FAM53A: variants seen among roughly 807,000 people sequenced by gnomAD.
FAM53A encodes the protein family with sequence similarity 53 member A.
A neutral mutation model predicts 26.6 loss-of-function variants in FAM53A; 28 were observed. That is an observed-to-expected ratio of 1.05 (90% CI 0.78 to 1.45). The LOEUF is 1.45. FAM53A is among the 40% of genes most tolerant of loss of function. FAM53A has a pLI of 0.00. For synonymous variants in FAM53A, 290 were observed against 253.1 expected (o/e 1.15, Z -1.38); for missense variants, 650 against 575.8 (o/e 1.13, Z -1.32).
At position 1,640,789 on chromosome 4, in the gene FAM53A, A is replaced by C; in HGVS notation, c.*504T>G. On this transcript the variant is annotated 3_prime_UTR_variant, in exon 5 of 5. Coordinates refer to ENST00000308132, the MANE Select transcript of FAM53A (RefSeq NM_001174070.3). ...GCCGGTGGCAGCCATGGCCCCGACCAGCTCACAGGAAACCTACTCTGTGCC... is the reference window on the plus strand; with the variant it reads ...GCCGGTGGCAGCCATGGCCCCGACCCGCTCACAGGAAACCTACTCTGTGCC... 2.5e-6 allele frequency: 1 copy of C among 392,418 alleles called. No individual in the cohort carries two copies. The highest frequency in any genetic ancestry group is 8.1e-4 in the Middle Eastern group (1 of 1,240). The allele number at this position is 392,418 out of a possible 1,614,324, so 24.3% of individuals were successfully genotyped here. A position where few individuals can be genotyped will look rare whatever the true frequency, so the allele number is the denominator to read the frequency against.
the FAM53A span, among the ~76,000 whole-genome samples, chr4:1,598,565 A>C: frequency 6.6e-6 from 1 of 152,204 alleles, no homozygotes; most frequent in Non-Finnish European, 1.5e-5. Flanking sequence ...GACGATTTTT[A>C]AGCGTGAAGA....
At chr4:1,675,920 G>T (rs368472922) in intron 1 of FAM53A, among the ~76,000 whole-genome samples, 3 of 152,208 alleles carry the variant, frequency 2.0e-5, no homozygotes, top group African/African-American at 7.2e-5. Context: ...CCCCACCACA[G>T]GCAGTGCCTC....
intron 2 of FAM53A, 43 bp downstream of exon 2, chr4:1,668,624 C>A (rs1332001684): frequency 1.2e-6 from 2 of 1,609,976 alleles, no homozygotes; most frequent in African/African-American, 1.3e-5. Flanking sequence ...TGTGACAGCA[C>A]GGGGGAGGGG....
At chr4:1,601,306 T>G in the FAM53A span, among the ~76,000 whole-genome samples, 53 of 58,106 alleles carry the variant, frequency 9.1e-4, 14 homozygotes, top group African/African-American at 2.2e-3. Flanking sequence ...GGGCCCCCCG[T>G]ACAGTGGGGA....
chr4:1,595,149 C>T, the FAM53A span, among the ~76,000 whole-genome samples: 7 of 152,198 alleles, frequency 4.6e-5, no homozygotes, highest in Admixed American at 3.3e-4. Flanking sequence ...ACAGGGAAGC[C>T]GCAGCCACTG....
At chr4:1,600,733 G>A in the FAM53A span, among the ~76,000 whole-genome samples, 1 of 152,098 alleles carries the variant, frequency 6.6e-6, no homozygotes, top group Non-Finnish European at 1.5e-5. Flanking sequence ...CACAGCTCAC[G>A]GCAGCCTGGA....
chr4:1,577,804 G>A, the FAM53A span, among the ~76,000 whole-genome samples: 8 of 152,186 alleles, frequency 5.3e-5, no homozygotes, highest in Admixed American at 3.3e-4. Flanking sequence ...ACCTTAATTA[G>A]AGGGACAGCC....
chr4:1,577,673 C>A, the FAM53A span, among the ~76,000 whole-genome samples: 1 of 152,198 alleles, frequency 6.6e-6, no homozygotes, highest in Admixed American at 6.5e-5. Flanking sequence ...AATGTTGGAG[C>A]GAGCTGCATG....
chr4:1,649,613 C>T (rs566416934), intron 4 of FAM53A, among the ~76,000 whole-genome samples: 2 of 152,354 alleles, frequency 1.3e-5, no homozygotes, highest in African/African-American at 4.8e-5. Context: ...GCTGCCACAT[C>T]GTGAACACAC....
At chr4:1,625,776 C>T (rs953523778) in intron 1 of FAM53A, among the ~76,000 whole-genome samples, 28 of 150,300 alleles carry the variant, frequency 1.9e-4, no homozygotes, top group East Asian at 3.9e-4. Context: ...GTCAGGGTCA[C>T]GCCAGGTGAT....
chr4:1,638,245 C>T (rs963223027), downstream of FAM53A, among the ~76,000 whole-genome samples: 10 of 152,040 alleles, frequency 6.6e-5, no homozygotes, highest in Non-Finnish European at 1.3e-4. Context: ...AGGGAAAATA[C>T]AGCCCTGGGG....
the FAM53A span, among the ~76,000 whole-genome samples, chr4:1,575,944 TGGC>T: frequency 2.0e-5 from 3 of 152,130 alleles, no homozygotes; most frequent in Non-Finnish European, 4.4e-5. Context: ...CGGGGTGAAG[TGGC>T]CCCAGGGCAG....
intron 4 of FAM53A, 148 bp downstream of exon 4, chr4:1,654,830 A>G (rs540447947): frequency 4.8e-5 from 55 of 1,147,142 alleles, no homozygotes; most frequent in African/African-American, 2.3e-4. Flanking sequence ...CACGCACTCC[A>G]GATGGCTCTC....
intron 1 of FAM53A, among the ~76,000 whole-genome samples, chr4:1,633,947 A>T (rs879418536): frequency 6.6e-6 from 1 of 152,220 alleles, no homozygotes; most frequent in Non-Finnish European, 1.5e-5. Context: ...GCACCAACGC[A>T]GAACCCACCA....
At chr4:1,618,226 C>A in intron 1 of FAM53A, 1 of 448,130 alleles carries the variant, frequency 2.2e-6, no homozygotes. Flanking sequence ...CCCGAAGGCC[C>A]ATCACGGCAG....
At chr4:1,636,802 T>A (rs1715860925), downstream of FAM53A, among the ~76,000 whole-genome samples, 1 of 152,092 alleles carries the variant, frequency 6.6e-6, no homozygotes, top group Non-Finnish European at 1.5e-5. Context: ...GGGGCTAGCA[T>A]GGGGCCCAGG....
chr4:1,601,419 C>T, the FAM53A span, among the ~76,000 whole-genome samples: 8 of 112,454 alleles, frequency 7.1e-5, 3 homozygotes, highest in Non-Finnish European at 1.1e-4. Context: ...GCAGTCAGGG[C>T]GTGGCGGGAG....
chr4:1,633,852 A>C (rs911689846), intron 1 of FAM53A, among the ~76,000 whole-genome samples: 3 of 152,186 alleles, frequency 2.0e-5, no homozygotes, highest in African/African-American at 7.2e-5. Flanking sequence ...AGGTTTTAAA[A>C]AAAAAATCTA....
At chr4:1,683,316 A>T (rs1029829678) in intron 1 of FAM53A, 1 of 152,234 alleles carries the variant, frequency 6.6e-6, no homozygotes, top group African/African-American at 2.4e-5. Flanking sequence ...ATGAGGGAGA[A>T]GGTCAGGCGA....
Sources: gnomAD v4.1 joint callset for allele counts (sites outside exome capture counted in the v4.1 genomes callset) on GRCh38, gnomAD v4.1.1 for gene constraint, MANE v1.5 for transcripts, NCBI Gene and HGNC (gene_info 2026-07-23, HGNC 2026-07-21) for gene names.